PPP2R2A: variants seen among roughly 807,000 people sequenced by gnomAD.
PPP2R2A encodes the protein serine/threonine-protein phosphatase 2A 55 kDa regulatory subunit B alpha isoform.
A neutral mutation model predicts 53.2 loss-of-function variants in PPP2R2A; 9 were observed. The observed-to-expected ratio is 0.17, with a 90% CI of 0.10 to 0.30. PPP2R2A has a LOEUF of 0.30. Ranked by LOEUF, PPP2R2A falls within the 10% of genes least tolerant of loss-of-function variation. The probability of loss-of-function intolerance (pLI) is 1.00; values close to 1 mark genes in which losing one functional copy is unlikely to be tolerated. For synonymous variants in PPP2R2A, 169 were observed against 174.2 expected, an observed-to-expected ratio of 0.97 and a Z score of 0.23; for missense variants, 235 against 534.6, an observed-to-expected ratio of 0.44 and a Z score of 5.53.
chr8:26,328,836 A>G (rs1351992344), intron 2 of PPP2R2A, among the ~76,000 whole-genome samples: 1 of 152,220 alleles, frequency 6.6e-6, no homozygotes, highest in Non-Finnish European at 1.5e-5. Context: ...TGTGAGATTA[A>G]GGAATGAAGT....
chr8:26,367,291 A>G (rs1235838367), intron 9 of PPP2R2A, among the ~76,000 whole-genome samples: 1 of 152,200 alleles, frequency 6.6e-6, no homozygotes, highest in African/African-American at 2.4e-5. Flanking sequence ...GGCATCAAGA[A>G]GAAAGAAGGA....
intron 3 of PPP2R2A, among the ~76,000 whole-genome samples, chr8:26,339,494 G>A (rs949223413): frequency 2.0e-5 from 3 of 152,148 alleles, no homozygotes; most frequent in Admixed American, 6.5e-5. Flanking sequence ...TGCATGTAAA[G>A]TAACTTAAAA....
At position 26,338,800 on chromosome 8, in the gene PPP2R2A, G is replaced by T; in HGVS notation, c.83-90G>T. ...CTTCAAAGATATACTTCATAGACTT[G>T]GAATGTTTGGGAAAACACGCTAAGT... On this transcript the variant is annotated intron_variant, in intron 2 of 9. Transcript: ENST00000380737. The surrounding 1 kb of genome is among the most constrained non-coding windows in gnomAD (Gnocchi z 4.5). 1.3e-6 allele frequency: 1 copy of T among 792,274 alleles called. No homozygotes were observed. The highest frequency in any genetic ancestry group is 2.4e-5 in the Admixed American group (1 of 40,852). 49.1% of individuals were successfully genotyped at this position (792,274 alleles called of 1,614,324 possible).
At position 26,360,417 on chromosome 8, in the gene PPP2R2A, T is replaced by C. The variant is rs1241139484; in HGVS notation, c.459+136T>C. 3.8e-6 allele frequency: 2 copies of C among 529,868 alleles called. No homozygotes were observed. Among genetic ancestry groups the C allele is most frequent in the African/African-American group, 3.8e-5 (2 of 52,330 alleles). The allele number at this position is 529,868 out of a possible 1,614,324, so 32.8% of individuals were successfully genotyped here. ...AGTAATTCTGTAATCAGGTAGGACATTGAGTAACTCATTTAAACATAGAAA... is the reference window on the plus strand; with the variant it reads ...AGTAATTCTGTAATCAGGTAGGACACTGAGTAACTCATTTAAACATAGAAA... On this transcript the variant is annotated intron_variant, in intron 5 of 9. Transcript: ENST00000380737. The surrounding 1 kb of genome is among the most constrained non-coding windows in gnomAD (Gnocchi z 4.5).
intron 3 of PPP2R2A, among the ~76,000 whole-genome samples, chr8:26,353,595 G>T (rs1372325915): frequency 6.6e-6 from 1 of 152,020 alleles, no homozygotes; most frequent in Non-Finnish European, 1.5e-5. Context: ...ATTTTTTTAT[G>T]AAAATGTTTT....
rs577638536 is a variant in PPP2R2A, at chr8:26,362,515, A to T, written c.638-169A>T. Among the ~76,000 whole-genome samples the T allele has an allele frequency of 4.4e-4, 65 of 148,878 alleles. No homozygotes were observed. Among genetic ancestry groups the T allele is most frequent in the South Asian group, 1.7e-3 (8 of 4,732 alleles). The stretch of plus-strand genomic sequence containing the variant: ...GTGAAACTCCGTCTAAATAAAAATT[A>T]AAAAAAAAAGTTTTAATCCCTTTGG... On this transcript the variant is annotated intron_variant, in intron 6 of 9. Coordinates refer to ENST00000380737, the MANE Select transcript of PPP2R2A (RefSeq NM_002717.4). This position sits in a 1 kb window ranked among gnomAD's most constrained non-coding sequence, Gnocchi z 4.4.
intron 2 of PPP2R2A, among the ~76,000 whole-genome samples, chr8:26,307,039 AG>A (rs1802057755): frequency 6.6e-6 from 1 of 152,238 alleles, no homozygotes; most frequent in Non-Finnish European, 1.5e-5. Flanking sequence ...AATGTATTCT[AG>A]GAATCCATGA....
intron 2 of PPP2R2A, among the ~76,000 whole-genome samples, chr8:26,305,712 G>T (rs1364563788): frequency 1.3e-5 from 2 of 152,080 alleles, no homozygotes; most frequent in Non-Finnish European, 2.9e-5. Flanking sequence ...CCTACGTATG[G>T]TACTGTGAAA....
At chr8:26,292,182 C>T (rs1801330236) in intron 1 of PPP2R2A, 1 of 1,159,616 alleles carries the variant, frequency 8.6e-7, no homozygotes, top group Admixed American at 4.8e-5. Context: ...TTGCCCCCCG[C>T]CTTTATTTTT....
chr8:26,306,615 T>G (rs1802036961), intron 2 of PPP2R2A, among the ~76,000 whole-genome samples: 1 of 152,126 alleles, frequency 6.6e-6, no homozygotes, highest in Non-Finnish European at 1.5e-5. Context: ...CAAATCTAGT[T>G]TGTACGTCTG....
At chr8:26,313,489 G>T (rs532725395) in intron 2 of PPP2R2A, among the ~76,000 whole-genome samples, 1 of 152,204 alleles carries the variant, frequency 6.6e-6, no homozygotes, top group Admixed American at 6.5e-5. Flanking sequence ...GTTTAAGCCA[G>T]TGTTCACAGT....
intron 2 of PPP2R2A, among the ~76,000 whole-genome samples, chr8:26,294,873 C>G (rs1359481211): frequency 6.6e-6 from 1 of 152,112 alleles, no homozygotes. Flanking sequence ...TCTCACGTTC[C>G]TTTTCTATTG....
At chr8:26,319,673 G>T (rs1455601603) in intron 2 of PPP2R2A, among the ~76,000 whole-genome samples, 3 of 152,012 alleles carry the variant, frequency 2.0e-5, no homozygotes, top group Non-Finnish European at 4.4e-5. Flanking sequence ...GACCATATGT[G>T]CAGGGGTTTA....
intron 2 of PPP2R2A, among the ~76,000 whole-genome samples, chr8:26,296,573 C>T (rs948393140): frequency 2.0e-5 from 3 of 152,174 alleles, no homozygotes; most frequent in South Asian, 2.1e-4. Flanking sequence ...CACTTTGTTA[C>T]GTAGATATCA....
rs143866965 is a variant in PPP2R2A at position 26,336,993 on chromosome 8, T to C, written c.83-1897T>C. ...TCCTTGACATCTCCTTACTAAGTGA[T>C]AGTTGTAACAGCTCATCAGCCTGAC... On this transcript the variant is annotated intron_variant, in intron 2 of 9. Transcript: ENST00000380737. Among the ~76,000 whole-genome samples, 221 of 152,174 alleles carry C rather than the reference T, an allele frequency of 1.5e-3. 2 individuals are homozygous for C. The highest frequency in any genetic ancestry group is 4.6e-3 in the African/African-American group (191 of 41,518).
intron 2 of PPP2R2A, among the ~76,000 whole-genome samples, chr8:26,335,502 G>T (rs1370146032): frequency 6.6e-6 from 1 of 152,142 alleles, no homozygotes; most frequent in African/African-American, 2.4e-5. Flanking sequence ...ACAGCAAGGA[G>T]ACCATGAATC....
intron 4 of PPP2R2A, among the ~76,000 whole-genome samples, chr8:26,359,715 G>A (rs896349733): frequency 9.9e-5 from 15 of 152,214 alleles, no homozygotes; most frequent in Non-Finnish European, 2.1e-4. Flanking sequence ...CTGCTAAGAA[G>A]TGGGAGCAAG....
intron 2 of PPP2R2A, among the ~76,000 whole-genome samples, chr8:26,297,747 CAGA>C (rs963346731): frequency 6.6e-6 from 1 of 152,088 alleles, no homozygotes; most frequent in African/African-American, 2.4e-5. Context: ...CAGTACCCAG[CAGA>C]AAAGAGCCTT....
Position 26,338,480 on chromosome 8 carries a change from A to G in PPP2R2A, c.83-410A>G, listed in dbSNP as rs974093986. Among the ~76,000 whole-genome samples the G allele has an allele frequency of 2.6e-5, 4 of 152,224 alleles. No homozygotes were observed. The highest frequency in any genetic ancestry group is 5.9e-5 in the Non-Finnish European group (4 of 68,038). ...TTTACATTTAAAATTCCCTCTCCTT[A>G]TTAGTAATATGTGCCTTTATTATAG... On this transcript the variant is annotated intron_variant, in intron 2 of 9. Coordinates refer to ENST00000380737, the MANE Select transcript of PPP2R2A (RefSeq NM_002717.4). This position sits in a 1 kb window ranked among gnomAD's most constrained non-coding sequence, Gnocchi z 4.5.
Sources: allele counts gnomAD v4.1 joint callset (sites outside exome capture counted in the v4.1 genomes callset), GRCh38; gene constraint gnomAD v4.1.1; non-coding constraint Gnocchi (gnomAD v3.1); transcripts MANE v1.5; gene names NCBI Gene and HGNC (gene_info 2026-07-23, HGNC 2026-07-21).